STK38L: variants seen among roughly 807,000 people sequenced by gnomAD.
The protein encoded by STK38L is serine/threonine-protein kinase 38-like.
In STK38L, 28 loss-of-function variants were observed where a neutral mutation model predicts 59.7. That is an observed-to-expected ratio of 0.47 (90% CI 0.35 to 0.64). STK38L has a LOEUF of 0.64. Among genes scored for constraint, STK38L ranks in the 30% least tolerant of loss-of-function variants. The pLI, the probability that STK38L is intolerant of heterozygous loss-of-function variation, is 0.01. For missense variants in STK38L, 314 were observed against 555.8 expected (o/e 0.56, Z 4.37); for synonymous variants, 162 against 176.8 (o/e 0.92, Z 0.66).
chr12:27,255,923 T>G lies in STK38L; in HGVS notation c.-12+11591T>G, dbSNP rs1943082464. ...GGATTCTGCTCACCCAGAGCTGACT[T>G]TATCTTCTCCCTTCACAGAGCCATT... On this transcript the variant is annotated intron_variant, in intron 1 of 13. Transcript: ENST00000389032. 5.9e-5 allele frequency among the ~76,000 whole-genome samples: 9 copies of G among 152,196 alleles called. No homozygotes were observed. In the South Asian group the frequency reaches 1.9e-3, roughly 31 times the overall value.
At chr12:27,281,595 A>G (rs1943660182) in intron 1 of STK38L, among the ~76,000 whole-genome samples, 1 of 152,226 alleles carries the variant, frequency 6.6e-6, no homozygotes, top group South Asian at 2.1e-4. Flanking sequence ...ATTACATAAG[A>G]TAATGCACAC....
At chr12:27,321,196 G>T (rs541592914) in intron 12 of STK38L, among the ~76,000 whole-genome samples, 1 of 152,036 alleles carries the variant, frequency 6.6e-6, no homozygotes, top group African/African-American at 2.4e-5. Context: ...AAATATATAT[G>T]GTTTTAAATA....
intron 2 of STK38L, 112 bp downstream of exon 2, chr12:27,297,966 T>G (rs1460874743): frequency 1.5e-6 from 2 of 1,338,720 alleles, no homozygotes; most frequent in African/African-American, 2.9e-5. Context: ...CCCTGCATGC[T>G]GTTTTTGAGT....
chr12:27,268,357 G>T (rs960547150), intron 1 of STK38L, among the ~76,000 whole-genome samples: 11 of 152,108 alleles, frequency 7.2e-5, no homozygotes, highest in African/African-American at 2.4e-4. Context: ...CTATGAGTGA[G>T]AACATGTGGT....
chr12:27,288,799 T>TA lies in STK38L; in HGVS notation c.-11-8910dup, dbSNP rs1292633892. ...TCCTCCTTTACAAATAATGTTGACA[T>TA]ACTCACTCTGGTCTCCCCTCACCTT... On this transcript the variant is annotated intron_variant, in intron 1 of 13. Coordinates refer to ENST00000389032, the MANE Select transcript of STK38L (RefSeq NM_015000.4). Among the ~76,000 whole-genome samples the TA allele has an allele frequency of 2.0e-5, 3 of 152,052 alleles. No individual in the cohort carries two copies. The South Asian group carries it at 6.2e-4, about 32-fold the overall frequency.
At chr12:27,246,052 C>T (rs1241767173) in intron 1 of STK38L, among the ~76,000 whole-genome samples, 1 of 152,122 alleles carries the variant, frequency 6.6e-6, no homozygotes, top group East Asian at 1.9e-4. Context: ...TAAAATAAGT[C>T]AAAGAATGGA....
chr12:27,302,018 GTT>G (rs34324091), intron 2 of STK38L, 117 bp from the exon 3 acceptor site: 1,949 of 548,346 alleles, frequency 3.6e-3, no homozygotes, highest in Middle Eastern at 7.0e-3. Context: ...CAACTTGAAA[GTT>G]TTTTTTTTTT....
chr12:27,299,656 T>C (rs1944115185), intron 2 of STK38L, among the ~76,000 whole-genome samples: 1 of 152,310 alleles, frequency 6.6e-6, no homozygotes, highest in East Asian at 1.9e-4. Context: ...AAGGTGTTCT[T>C]AATGATCTTA....
rs990405234 is a variant in STK38L at position 27,323,116 on chromosome 12, A to G, written c.*661A>G. 6.6e-6 allele frequency: 1 copy of G among 152,204 alleles called. No homozygotes were observed. The highest frequency in any genetic ancestry group is 2.4e-5 in the African/African-American group (1 of 41,464). 9.4% of individuals were successfully genotyped at this position (152,204 alleles called of 1,614,324 possible). A position where few individuals can be genotyped will look rare whatever the true frequency, so the allele number is the denominator to read the frequency against. Reference sequence around the variant, plus strand: ...AAGGAAGACAAAGTTTAACACCTTCACTCAAGCACTCCACTAATATATTTA... The same window carrying G: ...AAGGAAGACAAAGTTTAACACCTTCGCTCAAGCACTCCACTAATATATTTA... On this transcript the variant is annotated 3_prime_UTR_variant, in exon 14 of 14. Coordinates refer to ENST00000389032, the MANE Select transcript of STK38L (RefSeq NM_015000.4).
chr12:27,268,195 C>A (rs1312765564), intron 1 of STK38L, among the ~76,000 whole-genome samples: 2 of 150,534 alleles, frequency 1.3e-5, no homozygotes, highest in African/African-American at 5.0e-5. Context: ...TATACATGTG[C>A]CATGTTGGTG....
At chr12:27,286,121 TTTTGCTGTTC>T (rs1321973490) in intron 1 of STK38L, among the ~76,000 whole-genome samples, 6 of 152,318 alleles carry the variant, frequency 3.9e-5, no homozygotes, top group African/African-American at 1.4e-4. Context: ...TCCAACTTTT[TTTTGCTGTTC>T]TTTGCTGTTC....
chr12:27,263,817 T>C (rs978307550), intron 1 of STK38L, among the ~76,000 whole-genome samples: 17 of 152,206 alleles, frequency 1.1e-4, no homozygotes, highest in African/African-American at 4.1e-4. Context: ...ACAACATACA[T>C]GACTGTAAAT....
intron 1 of STK38L, among the ~76,000 whole-genome samples, chr12:27,280,256 C>G (rs1943625096): frequency 6.6e-6 from 1 of 152,128 alleles, no homozygotes; most frequent in Admixed American, 6.6e-5. Flanking sequence ...CTTCCCTTAG[C>G]AAAATAAGAA....
At chr12:27,309,254 A>G (rs1402284597) in intron 5 of STK38L, 57 bp downstream of exon 5, 3 of 1,308,450 alleles carry the variant, frequency 2.3e-6, no homozygotes, top group Non-Finnish European at 3.1e-6. Context: ...CAGTGTTAAG[A>G]GTGTTTATAT....
intron 1 of STK38L, among the ~76,000 whole-genome samples, chr12:27,279,634 G>A (rs1943609906): frequency 6.6e-6 from 1 of 150,900 alleles, no homozygotes; most frequent in African/African-American, 2.4e-5. Context: ...GCTGAGGCAG[G>A]GAGAATTACT....
At chr12:27,260,751 A>G (rs1269519838) in intron 1 of STK38L, among the ~76,000 whole-genome samples, 3 of 152,072 alleles carry the variant, frequency 2.0e-5, no homozygotes, top group Non-Finnish European at 2.9e-5. Flanking sequence ...CCCAGCCCCT[A>G]TACTTTCTTT....
At chr12:27,272,721 T>C (rs1239082096) in intron 1 of STK38L, among the ~76,000 whole-genome samples, 1 of 152,166 alleles carries the variant, frequency 6.6e-6, no homozygotes, top group South Asian at 2.1e-4. Context: ...AAATGTGGTT[T>C]GTTTTTAATG....
intron 1 of STK38L, among the ~76,000 whole-genome samples, chr12:27,282,833 A>G (rs180762193): frequency 2.8e-4 from 42 of 152,366 alleles, no homozygotes; most frequent in Non-Finnish European, 5.1e-4. Context: ...GCATTAGTTT[A>G]AAACTATGGC....
intron 1 of STK38L, among the ~76,000 whole-genome samples, chr12:27,268,804 C>T (rs371537205): frequency 0.048 from 7,250 of 152,052 alleles, 191 homozygotes; most frequent in Non-Finnish European, 0.06. Flanking sequence ...TTTTAATGAT[C>T]GCCATTCTAA....
Sources: gnomAD v4.1 joint callset for allele counts (sites outside exome capture counted in the v4.1 genomes callset) on GRCh38, gnomAD v4.1.1 for gene constraint, MANE v1.5 for transcripts, NCBI Gene and HGNC (gene_info 2026-07-23, HGNC 2026-07-21) for gene names.